The following CUX2 variants were observed in gnomAD, a reference collection of about 807,000 sequenced individuals.
The protein encoded by CUX2 is homeobox protein cut-like 2.
Under a neutral mutation model 144.8 loss-of-function variants are expected in CUX2, and 40 were observed. The ratio of observed to expected loss-of-function variants is 0.28; its 90% CI spans 0.21 to 0.36. The LOEUF (loss-of-function observed/expected upper bound fraction) is 0.36. Ranked by LOEUF, CUX2 falls within the 10% of genes least tolerant of loss-of-function variation. The pLI, the probability that CUX2 is intolerant of heterozygous loss-of-function variation, is 1.00. For missense variants in CUX2, 1,615 were observed against 1,994.0 expected (o/e 0.81, Z 3.62); for synonymous variants, 827 against 875.6 (o/e 0.94, Z 0.98).
rs369781381 is a variant in CUX2 at position 111,347,739 on chromosome 12, A to G, written c.3875A>G (p.Asp1292Gly). 9.9e-6 allele frequency: 16 copies of G among 1,613,706 alleles called. No homozygotes were observed. Among genetic ancestry groups the G allele is most frequent in the Non-Finnish European group, 1.3e-5 (15 of 1,179,958 alleles). ...EENSTPLTTQ[D>G]KAQVRIKQEQ... ...AACAGCACACCCCTGACCACCCAGG[A>G]CAAGGCCCAAGTGAGGATCAAGCAG... The change falls in exon 22 of 22, where the codon GAC becomes GGC. Residue 1292 changes from aspartate to glycine, a missense_variant. Transcript: ENST00000261726.
chr12:111,310,177 C>A lies in CUX2; in HGVS notation c.1395C>A (p.Gly465=). The change falls in exon 15 of 22, where the codon GGC becomes GGA. Residue 465 remains glycine (G), a synonymous_variant. Coordinates refer to ENST00000261726, the MANE Select transcript of CUX2 (RefSeq NM_015267.4). The surrounding 1 kb of genome is among the most constrained non-coding windows in gnomAD (Gnocchi z 7.9). ...CCAGCCCCGGGCAGCCCCTGCTGGG[C>A]CCCAGCTTGGGGCCTGACGGCACTC... ...LSPSPGQPLL[G]PSLGPDGTRT... 6.4e-7 allele frequency: 1 copy of A among 1,554,780 alleles called. No individual in the cohort carries two copies.
chr12:111,338,591 G>A, intron 20 of CUX2, 117 bp downstream of exon 20: 1 of 910,558 alleles, frequency 1.1e-6, no homozygotes, highest in Non-Finnish European at 1.6e-6. Context: ...AGCCTACTAT[G>A]GGACTGCATG....
intron 1 of CUX2, among the ~76,000 whole-genome samples, chr12:111,121,658 G>A (rs984097367): frequency 2.0e-5 from 3 of 151,574 alleles, no homozygotes; most frequent in African/African-American, 4.8e-5. Context: ...CACTATGCCC[G>A]GCCAATAAAC....
At chr12:111,258,341 C>T (rs1434818094) in intron 3 of CUX2, among the ~76,000 whole-genome samples, 1 of 152,100 alleles carries the variant, frequency 6.6e-6, no homozygotes, top group Non-Finnish European at 1.5e-5. Flanking sequence ...GGTGAAACCC[C>T]GTCTCTACTA....
At chr12:111,110,027 C>A (rs964214734) in intron 1 of CUX2, among the ~76,000 whole-genome samples, 2 of 151,718 alleles carry the variant, frequency 1.3e-5, no homozygotes, top group Admixed American at 1.3e-4. Flanking sequence ...AGGTGCCCAC[C>A]ACCACACTCA....
At chr12:111,330,170 C>A (rs1463004247) in intron 18 of CUX2, among the ~76,000 whole-genome samples, 6 of 152,154 alleles carry the variant, frequency 3.9e-5, no homozygotes, top group Non-Finnish European at 7.3e-5. Flanking sequence ...CTTCTTGAGA[C>A]CTCACGGTCA....
rs1888073663 is a variant in CUX2 at position 111,330,722 on chromosome 12, T to TATATATATATACATATACATAC, written c.2927-3708_2927-3707insCATATACATACATATATATATA. Among the ~76,000 whole-genome samples the TATATATATATACATATACATAC allele has an allele frequency of 3.9e-5, 2 of 51,554 alleles. 1 individual carries two copies. Among genetic ancestry groups the TATATATATATACATATACATAC allele is most frequent in the East Asian group, 6.9e-4 (2 of 2,894 alleles). 33.8% of individuals were successfully genotyped at this position (51,554 alleles called of 152,430 possible). The stretch of plus-strand genomic sequence containing the variant: ...ATATATATATATATATATATATATA[T>TATATATATATACATATACATAC]ATATATATATATATATATATATATA... On this transcript the variant is annotated intron_variant, in intron 18 of 21. Transcript: ENST00000261726.
intron 1 of CUX2, among the ~76,000 whole-genome samples, chr12:111,141,023 A>C (rs1335650513): frequency 6.6e-6 from 1 of 152,136 alleles, no homozygotes; most frequent in Non-Finnish European, 1.5e-5. Context: ...TATGTGGACC[A>C]CCAAACTTTG....
chr12:111,221,487 G>A (rs1295493971), intron 3 of CUX2, among the ~76,000 whole-genome samples: 1 of 152,052 alleles, frequency 6.6e-6, no homozygotes, highest in Admixed American at 6.6e-5. Context: ...CGATTCCCAA[G>A]TGGGTATTAA....
At chr12:111,137,444 G>A (rs936684601) in intron 1 of CUX2, among the ~76,000 whole-genome samples, 2 of 152,090 alleles carry the variant, frequency 1.3e-5, no homozygotes, top group African/African-American at 4.8e-5. Context: ...ATTCTGAAGG[G>A]GAAAATGGTA....
At chr12:111,217,815 A>G in intron 2 of CUX2, 75 bp from the exon 3 acceptor site, 1 of 1,463,710 alleles carries the variant, frequency 6.8e-7, no homozygotes, top group Non-Finnish European at 9.6e-7. Context: ...CAGGGACAGC[A>G]GCGAGCTACA....
At chr12:111,114,528 C>T (rs1277307268) in intron 1 of CUX2, among the ~76,000 whole-genome samples, 1 of 152,136 alleles carries the variant, frequency 6.6e-6, no homozygotes, top group African/African-American at 2.4e-5. Flanking sequence ...GAAATATTTT[C>T]TCCCAGTGTG....
chr12:111,244,117 A>G (rs9919785), intron 3 of CUX2, among the ~76,000 whole-genome samples: 2,952 of 151,914 alleles, frequency 0.019, 111 homozygotes, highest in African/African-American at 0.068. Flanking sequence ...TGTTTTTTTA[A>G]AGAGGCAGAG....
chr12:111,185,736 C>T (rs1879484583), intron 1 of CUX2, among the ~76,000 whole-genome samples: 2 of 152,288 alleles, frequency 1.3e-5, no homozygotes, highest in South Asian at 2.1e-4. Flanking sequence ...CCAAGAGGCC[C>T]AGCCCCTACA....
In CUX2 at chr12:111,322,866, C is replaced by G. The variant is rs930721630; in HGVS notation, c.2926+286C>G. On this transcript the variant is annotated intron_variant, in intron 18 of 21. Transcript: ENST00000261726. The surrounding 1 kb of genome is among the most constrained non-coding windows in gnomAD (Gnocchi z 4.2). ...CCAAGTGGCTCCATGGTGCTCAGAGCAGGTGGAGAATGTGTTTTGCATGTG... is the reference window on the plus strand; with the variant it reads ...CCAAGTGGCTCCATGGTGCTCAGAGGAGGTGGAGAATGTGTTTTGCATGTG... 3.9e-5 allele frequency among the ~76,000 whole-genome samples: 6 copies of G among 152,334 alleles called. No homozygotes were observed. The highest frequency in any genetic ancestry group is 1.2e-4 in the African/African-American group (5 of 41,592).
At position 111,034,644 on chromosome 12, in the gene CUX2, G is replaced by T. The variant is rs926119271; in HGVS notation, c.63+404G>T. ...ACTTCGCGGCGCCCGGGGAGGCCGC[G>T]GAGCGCGCCGCTTGCCAGTCCGCAC... On this transcript the variant is annotated intron_variant, in intron 1 of 21. Coordinates refer to ENST00000261726, the MANE Select transcript of CUX2 (RefSeq NM_015267.4). The surrounding 1 kb of genome is among the most constrained non-coding windows in gnomAD (Gnocchi z 4.2). Among the ~76,000 whole-genome samples the T allele has an allele frequency of 4.6e-5, 7 of 151,474 alleles. No homozygotes were observed. The highest frequency in any genetic ancestry group is 7.4e-5 in the Non-Finnish European group (5 of 67,796).
chr12:111,319,269 C>A (rs553371089), intron 16 of CUX2, among the ~76,000 whole-genome samples: 18 of 151,808 alleles, frequency 1.2e-4, no homozygotes, highest in African/African-American at 4.3e-4. Context: ...GGCAACATGG[C>A]AAGACCCCAT....
chr12:111,134,291 G>A (rs959152468), intron 1 of CUX2, among the ~76,000 whole-genome samples: 1 of 152,212 alleles, frequency 6.6e-6, no homozygotes, highest in Non-Finnish European at 1.5e-5. Flanking sequence ...CTTAAAAAGA[G>A]AAAGTATTAT....
intron 1 of CUX2, among the ~76,000 whole-genome samples, chr12:111,083,704 A>C (rs1484449184): frequency 6.6e-6 from 1 of 152,132 alleles, no homozygotes; most frequent in Admixed American, 6.6e-5. Flanking sequence ...GGGGACGCCC[A>C]CCGAGCAAAC....
Sources: allele counts gnomAD v4.1 joint callset (sites outside exome capture counted in the v4.1 genomes callset), GRCh38; gene constraint gnomAD v4.1.1; non-coding constraint Gnocchi (gnomAD v3.1); transcripts MANE v1.5; gene names NCBI Gene and HGNC (gene_info 2026-07-23, HGNC 2026-07-21).